CYTH3: variants seen among roughly 807,000 people sequenced by gnomAD.
CYTH3 encodes cytohesin-3.
In CYTH3, 23 loss-of-function variants were observed where a neutral mutation model predicts 55.1. The observed-to-expected ratio is 0.42, with a 90% confidence interval of 0.30 to 0.59. CYTH3 has a LOEUF of 0.59. Ranked by LOEUF, CYTH3 falls within the 20% of genes least tolerant of loss-of-function variation. CYTH3 has a pLI of 0.20. For synonymous variants in CYTH3, 249 were observed against 194.9 expected (o/e 1.28, Z -2.31); for missense variants, 413 against 524.8 (o/e 0.79, Z 2.08).
At chr7:6,207,876 G>A (rs756184723) in intron 1 of CYTH3, among the ~76,000 whole-genome samples, 5 of 150,662 alleles carry the variant, frequency 3.3e-5, no homozygotes, top group African/African-American at 7.3e-5. Context: ...CTTAAACCCA[G>A]AAAGCGGAGG....
chr7:6,169,535 G>A lies in CYTH3; in HGVS notation c.823+1000C>T, dbSNP rs928870899. 1.3e-5 allele frequency among the ~76,000 whole-genome samples: 2 copies of A among 152,146 alleles called. No individual in the cohort carries two copies. The highest frequency in any genetic ancestry group is 2.4e-5 in the African/African-American group (1 of 41,430). ...TGATAAAATTTTTAAAAAATCACCA[G>A]GATGCTCCACTCCATGTCTCACGTG... On this transcript the variant is annotated intron_variant, in intron 9 of 12. Coordinates refer to ENST00000350796, the MANE Select transcript of CYTH3 (RefSeq NM_004227.4). The surrounding 1 kb of genome is among the most constrained non-coding windows in gnomAD (Gnocchi z 4.1).
intron 1 of CYTH3, among the ~76,000 whole-genome samples, chr7:6,223,240 A>T (rs541506737): frequency 6.7e-6 from 1 of 148,794 alleles, no homozygotes; most frequent in Non-Finnish European, 1.5e-5. Flanking sequence ...CCATCTGGGA[A>T]CTGAGGAGCG....
chr7:6,254,042 T>G (rs181087482), intron 1 of CYTH3, among the ~76,000 whole-genome samples: 1 of 151,104 alleles, frequency 6.6e-6, no homozygotes, highest in Non-Finnish European at 1.5e-5. Flanking sequence ...GGAGGCCAGG[T>G]GCAGTGGCAG....
At chr7:6,207,805 C>A (rs1411080761) in intron 1 of CYTH3, among the ~76,000 whole-genome samples, 1 of 151,994 alleles carries the variant, frequency 6.6e-6, no homozygotes, top group Non-Finnish European at 1.5e-5. Context: ...CAAAAATTAC[C>A]TGGGTGCAGT....
At chr7:6,204,252 A>G (rs752163492) in intron 1 of CYTH3, among the ~76,000 whole-genome samples, 12 of 152,244 alleles carry the variant, frequency 7.9e-5, no homozygotes, top group African/African-American at 2.2e-4. Flanking sequence ...ATATACATTC[A>G]AGCACATGTG....
intron 6 of CYTH3, chr7:6,172,975 G>T (rs894661836): frequency 9.0e-7 from 1 of 1,115,906 alleles, no homozygotes; most frequent in African/African-American, 1.7e-5. Flanking sequence ...GAAGATTTGA[G>T]AAGATGACGA....
chr7:6,244,227 A>G (rs536160178), intron 1 of CYTH3, among the ~76,000 whole-genome samples: 12 of 152,240 alleles, frequency 7.9e-5, no homozygotes, highest in Middle Eastern at 3.4e-3. Flanking sequence ...GCCTGGGGGG[A>G]AAAAAACAGG....
intron 1 of CYTH3, among the ~76,000 whole-genome samples, chr7:6,259,833 T>A (rs1583204968): frequency 6.4e-5 from 1 of 15,628 alleles, no homozygotes; most frequent in African/African-American, 6.6e-4. Flanking sequence ...TATATATATA[T>A]TTTTTTTTTT....
intron 1 of CYTH3, among the ~76,000 whole-genome samples, chr7:6,228,258 G>T (rs1261057770): frequency 6.6e-6 from 1 of 152,182 alleles, no homozygotes; most frequent in Non-Finnish European, 1.5e-5. Context: ...ATTCATAACA[G>T]AAAATCATGT....
chr7:6,171,298 A>C lies in CYTH3; in HGVS notation c.466T>G (p.Phe156Val), dbSNP rs776236256. The change falls in exon 7 of 13, where the codon TTC becomes GTC. Residue 156 changes from phenylalanine (F) to valine (V), a missense_variant. Physicochemically the swap from Phe to Val is conservative, Grantham distance 50. This residue lies in a region of CYTH3 where 156 missense variants were observed against 233.1 expected (regional missense o/e 0.67). Coordinates refer to ENST00000350796, the MANE Select transcript of CYTH3 (RefSeq NM_004227.4). The surrounding 1 kb of genome is among the most constrained non-coding windows in gnomAD (Gnocchi z 6.7). The stretch of plus-strand genomic sequence containing the variant: ...TTCTGCGCCTCCCCGGGCAGCCTGA[A>C]GCTCCATAAGAACTGCCTGTGGAGA... ...VQALRQFLWS[F>V]RLPGEAQKID... 6.2e-7 allele frequency: 1 copy of C among 1,614,128 alleles called. No individual in the cohort carries two copies.
chr7:6,192,024 G>C (rs1245450276), intron 1 of CYTH3, among the ~76,000 whole-genome samples: 1 of 152,038 alleles, frequency 6.6e-6, no homozygotes, highest in Admixed American at 6.6e-5. Flanking sequence ...AGGCTGCAGT[G>C]AGCTATGATC....
In CYTH3 at chr7:6,171,098, G is replaced by C. The variant is rs1042537914; in HGVS notation, c.562+104C>G. 1.9e-6 allele frequency: 3 copies of C among 1,582,924 alleles called. No homozygotes were observed. In the African/African-American group the frequency reaches 4.0e-5, roughly 21 times the overall value. ...CACAGGTCGTCCTCGCTCAGGGAAG[G>C]CAGGTCCCCAGGAACACACGCTGGG... On this transcript the variant is annotated intron_variant, in intron 7 of 12. Transcript: ENST00000350796. This position sits in a 1 kb window ranked among gnomAD's most constrained non-coding sequence, Gnocchi z 6.7.
chr7:6,181,921 A>G (rs1783513280), intron 4 of CYTH3, among the ~76,000 whole-genome samples: 1 of 152,104 alleles, frequency 6.6e-6, no homozygotes, highest in African/African-American at 2.4e-5. Flanking sequence ...CTTTTTCACA[A>G]TCCCCCATTT....
At chr7:6,187,745 G>A (rs1471587833) in intron 2 of CYTH3, 24 bp from the exon 3 acceptor site, 2 of 1,606,518 alleles carry the variant, frequency 1.2e-6, no homozygotes, top group Admixed American at 1.7e-5. Context: ...AGAATTTCGA[G>A]GTGGGGAGTG....
At chr7:6,187,626 A>G (rs768106320) in intron 3 of CYTH3, 31 bp downstream of exon 3, 3 of 1,585,262 alleles carry the variant, frequency 1.9e-6, no homozygotes, top group Non-Finnish European at 1.7e-6. Context: ...AAAAGAGTAA[A>G]TAGCTTAAAG....
chr7:6,210,805 T>C (rs1042983345), intron 1 of CYTH3, among the ~76,000 whole-genome samples: 1 of 152,202 alleles, frequency 6.6e-6, no homozygotes, highest in African/African-American at 2.4e-5. Flanking sequence ...TTTAACTAAG[T>C]GTCTTCCAAG....
intron 1 of CYTH3, among the ~76,000 whole-genome samples, chr7:6,203,228 A>G (rs1784100230): frequency 6.6e-6 from 1 of 152,204 alleles, no homozygotes; most frequent in Admixed American, 6.5e-5. Flanking sequence ...TCTTACCAAC[A>G]CAATAGCAAG....
chr7:6,250,229 C>T (rs2115046428), intron 1 of CYTH3, among the ~76,000 whole-genome samples: 1 of 152,300 alleles, frequency 6.6e-6, no homozygotes, highest in South Asian at 2.1e-4. Context: ...AAACTTTCTA[C>T]AGACAACATG....
chr7:6,247,492 A>G (rs1779850559), intron 1 of CYTH3, among the ~76,000 whole-genome samples: 1 of 152,034 alleles, frequency 6.6e-6, no homozygotes, highest in Non-Finnish European at 1.5e-5. Context: ...TTGTTTTGGT[A>G]TCTTCTTTAC....
Sources: gnomAD v4.1 joint callset for allele counts (sites outside exome capture counted in the v4.1 genomes callset) on GRCh38, gnomAD v4.1.1 for gene constraint, gnomAD v4.1.1 regional missense constraint, Gnocchi (gnomAD v3.1) non-coding constraint, MANE v1.5 for transcripts, NCBI Gene and HGNC (gene_info 2026-07-23, HGNC 2026-07-21) for gene names.